Variants in DOCK4 observed in about 807,000 individuals in gnomAD.
DOCK4 encodes dedicator of cytokinesis 4, also known as dedicator of cytokinesis protein 4.
A neutral mutation model predicts 268.1 loss-of-function variants in DOCK4; 97 were observed. The observed-to-expected ratio is 0.36, with a 90% CI of 0.31 to 0.43. The LOEUF (loss-of-function observed/expected upper bound fraction) is 0.43. Ranked by LOEUF, DOCK4 falls within the 20% of genes least tolerant of loss-of-function variation. The pLI is 1.00. For synonymous variants in DOCK4, 954 were observed against 887.2 expected (o/e 1.08, Z -1.34); for missense variants, 2,145 against 2,455.7 (o/e 0.87, Z 2.67).
At chr7:112,103,912 A>C (rs1019791820) in intron 1 of DOCK4, among the ~76,000 whole-genome samples, 1 of 152,128 alleles carries the variant, frequency 6.6e-6, no homozygotes, top group Non-Finnish European at 1.5e-5. Flanking sequence ...CCATAAACTA[A>C]TGAGTGTTCT....
At chr7:111,913,704 C>A (rs563699385) in intron 13 of DOCK4, among the ~76,000 whole-genome samples, 2 of 148,484 alleles carry the variant, frequency 1.3e-5, no homozygotes, top group Non-Finnish European at 3.0e-5. Flanking sequence ...CCACCGCGCC[C>A]GGCCACAATT....
rs1355856524 is a variant in DOCK4 at position 111,791,101 on chromosome 7, A to ATATATATATATATAT, written c.3167-497_3167-496insATATATATATATATA. Among the ~76,000 whole-genome samples the ATATATATATATATAT allele has an allele frequency of 2.9e-3, 332 of 115,704 alleles. 11 individuals are homozygous for ATATATATATATATAT. The highest frequency in any genetic ancestry group is 8.7e-3 in the African/African-American group (200 of 23,062). 75.9% of individuals were successfully genotyped at this position (115,704 alleles called of 152,430 possible). A position where few individuals can be genotyped will look rare whatever the true frequency, so the allele number is the denominator to read the frequency against. On this transcript the variant is annotated intron_variant, in intron 30 of 52. Transcript: ENST00000428084. ...ATATATATATATATATATATATATA[A>ATATATATATATATAT]AATAAATCATCAGGAATTGGTTATG... is the stretch of plus-strand genomic sequence containing the variant.
intron 21 of DOCK4, 28 bp from the exon 22 acceptor site, chr7:111,868,182 C>T (rs752814193): frequency 1.3e-6 from 2 of 1,524,518 alleles, no homozygotes; most frequent in Non-Finnish European, 1.8e-6. Context: ...TAAAAGTTAG[C>T]TTCAAAGGAG....
chr7:111,793,797 C>T (rs1196506636), intron 30 of DOCK4, among the ~76,000 whole-genome samples: 1 of 152,148 alleles, frequency 6.6e-6, no homozygotes, highest in African/African-American at 2.4e-5. Flanking sequence ...AGGAGAATCG[C>T]TTGAGCCCAG....
chr7:111,835,489 C>A (rs1457504459), intron 25 of DOCK4, among the ~76,000 whole-genome samples: 2 of 152,036 alleles, frequency 1.3e-5, no homozygotes, highest in South Asian at 2.1e-4. Flanking sequence ...GATTTGAAGA[C>A]CTACATAAAA....
At chr7:111,990,673 C>T (rs1034684098) in intron 5 of DOCK4, among the ~76,000 whole-genome samples, 1 of 152,186 alleles carries the variant, frequency 6.6e-6, no homozygotes, top group Non-Finnish European at 1.5e-5. Context: ...CTCTCAACTC[C>T]GAAGGCACTC....
At chr7:111,908,732 T>C (rs1791829413) in intron 13 of DOCK4, among the ~76,000 whole-genome samples, 1 of 151,970 alleles carries the variant, frequency 6.6e-6, no homozygotes, top group Non-Finnish European at 1.5e-5. Flanking sequence ...TGGTGTGTGA[T>C]GTTCCCCTCC....
intron 1 of DOCK4, among the ~76,000 whole-genome samples, chr7:112,020,260 C>CT (rs1802198639): frequency 6.6e-6 from 1 of 152,132 alleles, no homozygotes; most frequent in African/African-American, 2.4e-5. Flanking sequence ...ATAGATCACC[C>CT]TGTCAGTTTT....
At chr7:111,868,675 C>A (rs1371071359) in intron 21 of DOCK4, among the ~76,000 whole-genome samples, 48 of 151,434 alleles carry the variant, frequency 3.2e-4, no homozygotes, top group Admixed American at 3.1e-3. Context: ...GCACCATTGC[C>A]CTCCAGCCTG....
intron 8 of DOCK4, among the ~76,000 whole-genome samples, chr7:111,973,156 C>CGCATATAT (rs990863473): frequency 5.3e-5 from 6 of 114,050 alleles, no homozygotes; most frequent in African/African-American, 2.2e-4. Flanking sequence ...TATTCCATGG[C>CGCATATAT]ATATATATAT....
chr7:112,200,665 C>G (rs1425573409), intron 1 of DOCK4, among the ~76,000 whole-genome samples: 11 of 138,944 alleles, frequency 7.9e-5, no homozygotes, highest in African/African-American at 2.6e-4. Context: ...ATAGGAAATC[C>G]TAAATTTCTT....
rs529241161 is a variant in DOCK4, at chr7:111,885,603, G to A, written c.1588-8417C>T. Reference sequence around the variant, plus strand: ...AGGGGAAACAAGGCAATGTGACCCCGGCTTCTTGAAGCTGCTACTGGACTG... The same window carrying A: ...AGGGGAAACAAGGCAATGTGACCCCAGCTTCTTGAAGCTGCTACTGGACTG... On this transcript the variant is annotated intron_variant, in intron 16 of 52. Transcript: ENST00000428084. 1.3e-4 allele frequency among the ~76,000 whole-genome samples: 20 copies of A among 152,288 alleles called. No individual in the cohort carries two copies. In the East Asian group the frequency reaches 1.9e-3, roughly 15 times the overall value.
At chr7:112,043,415 A>C (rs1804569915) in intron 1 of DOCK4, among the ~76,000 whole-genome samples, 1 of 152,230 alleles carries the variant, frequency 6.6e-6, no homozygotes, top group African/African-American at 2.4e-5. Context: ...ATGATGAATT[A>C]ATAACATAAA....
chr7:111,742,645 A>G (rs1475906129), intron 44 of DOCK4, among the ~76,000 whole-genome samples: 1 of 152,186 alleles, frequency 6.6e-6, no homozygotes, highest in African/African-American at 2.4e-5. Context: ...GGATGGAAAA[A>G]ACAAAACAAA....
chr7:111,978,181 C>A (rs1348773592), intron 7 of DOCK4, among the ~76,000 whole-genome samples: 2 of 152,318 alleles, frequency 1.3e-5, no homozygotes, highest in East Asian at 3.9e-4. Context: ...AATTGTCACA[C>A]ATACACATGT....
intron 1 of DOCK4, among the ~76,000 whole-genome samples, chr7:112,089,520 A>C (rs1809429628): frequency 6.6e-6 from 1 of 152,202 alleles, no homozygotes; most frequent in African/African-American, 2.4e-5. Context: ...TATATCCAGA[A>C]GTCCTTCCAA....
intron 32 of DOCK4, among the ~76,000 whole-genome samples, chr7:111,786,019 C>A (rs931639435): frequency 2.0e-5 from 3 of 152,100 alleles, no homozygotes; most frequent in Non-Finnish European, 4.4e-5. Context: ...AGTCATCACT[C>A]TAATATATAA....
chr7:112,000,378 A>G, intron 3 of DOCK4, 116 bp downstream of exon 3: 1 of 637,358 alleles, frequency 1.6e-6, no homozygotes. Context: ...AATTTGCAAT[A>G]TCATTTGGCA....
chr7:112,081,409 A>T (rs1808570780), intron 1 of DOCK4, among the ~76,000 whole-genome samples: 1 of 152,128 alleles, frequency 6.6e-6, no homozygotes, highest in Non-Finnish European at 1.5e-5. Flanking sequence ...GGTGGCTTTC[A>T]TCCCAGACTC....
Sources: gnomAD v4.1 joint callset for allele counts (sites outside exome capture counted in the v4.1 genomes callset) on GRCh38, gnomAD v4.1.1 for gene constraint, MANE v1.5 for transcripts, NCBI Gene and HGNC (gene_info 2026-07-23, HGNC 2026-07-21) for gene names.